Variants in SLC9A9 observed in about 807,000 individuals in gnomAD.
SLC9A9 encodes solute carrier family 9 member A9, also known as sodium/hydrogen exchanger 9.
In SLC9A9, 62 loss-of-function variants were observed where a neutral mutation model predicts 77.8. The observed-to-expected ratio is 0.80, with a 90% CI of 0.65 to 0.98. The LOEUF is 0.98. Among genes scored for constraint, SLC9A9 ranks in the 50% least tolerant of loss-of-function variants. The pLI, the probability that SLC9A9 is intolerant of heterozygous loss-of-function variation, is 0.00. For synonymous variants in SLC9A9, 320 were observed against 283.5 expected (o/e 1.13, Z -1.29); for missense variants, 775 against 774.9 (o/e 1.00, Z 0.00).
chr3:143,479,492 A>G (rs1035868621), intron 11 of SLC9A9, among the ~76,000 whole-genome samples: 22 of 152,058 alleles, frequency 1.4e-4, no homozygotes, highest in African/African-American at 4.8e-4. Context: ...GCCTCAAGCA[A>G]TCCTCCCACT....
At chr3:143,604,078 G>A (rs141667547) in intron 6 of SLC9A9, among the ~76,000 whole-genome samples, 199 of 152,264 alleles carry the variant, frequency 1.3e-3, no homozygotes, top group African/African-American at 4.4e-3. Context: ...AAAAACTGAC[G>A]TGCTTTCCTT....
intron 14 of SLC9A9, among the ~76,000 whole-genome samples, chr3:143,327,289 C>T (rs1457596379): frequency 6.6e-6 from 1 of 152,068 alleles, no homozygotes; most frequent in African/African-American, 2.4e-5. Flanking sequence ...TAAAAGTAGA[C>T]TTGTGGAGGT....
At chr3:143,609,835 G>A (rs34467389) in intron 6 of SLC9A9, among the ~76,000 whole-genome samples, 18,786 of 152,138 alleles carry the variant, frequency 0.12, 1,478 homozygotes, top group Non-Finnish European at 0.18. Flanking sequence ...TGCAGTTAAT[G>A]CATTTATTAA....
chr3:143,629,284 A>G (rs2038382119), intron 6 of SLC9A9, among the ~76,000 whole-genome samples: 1 of 152,230 alleles, frequency 6.6e-6, no homozygotes, highest in Non-Finnish European at 1.5e-5. Flanking sequence ...AGTATCTACT[A>G]GTGCAGACAA....
At chr3:143,429,542 A>G (rs2034471166) in intron 12 of SLC9A9, among the ~76,000 whole-genome samples, 1 of 152,252 alleles carries the variant, frequency 6.6e-6, no homozygotes, top group South Asian at 2.1e-4. Context: ...TTCTAACCAC[A>G]GTTCAGGCAG....
chr3:143,693,430 G>C, intron 4 of SLC9A9, 123 bp from the exon 5 acceptor site: 1 of 770,270 alleles, frequency 1.3e-6, no homozygotes, highest in South Asian at 1.5e-5. Context: ...CCACCATCCT[G>C]CCAAATGACA....
chr3:143,732,885 C>T (rs897938044), intron 4 of SLC9A9, among the ~76,000 whole-genome samples: 3 of 152,094 alleles, frequency 2.0e-5, no homozygotes, highest in East Asian at 1.9e-4. Context: ...CAAATTCAGT[C>T]GCAACATAAG....
At chr3:143,277,741 C>A (rs78178523) in intron 14 of SLC9A9, among the ~76,000 whole-genome samples, 3,264 of 152,266 alleles carry the variant, frequency 0.021, 113 homozygotes, top group African/African-American at 0.075. Context: ...AGAGGAAGTG[C>A]CACCAGACCT....
intron 4 of SLC9A9, among the ~76,000 whole-genome samples, chr3:143,743,241 G>GGATGGATGGATGGATGGATGGATA (rs1459309618): frequency 7.5e-6 from 1 of 133,578 alleles, no homozygotes; most frequent in African/African-American, 2.8e-5. Context: ...ATGGATGGAT[G>GGATGGATGGATGGATGGATGGATA]GATAGATAGA....
chr3:143,780,151 T>G (rs2007825080), intron 4 of SLC9A9, among the ~76,000 whole-genome samples: 1 of 152,246 alleles, frequency 6.6e-6, no homozygotes, highest in Admixed American at 6.5e-5. Context: ...GTAAGCAATT[T>G]ATCTACATAT....
chr3:143,375,645 G>A (rs906164049), intron 13 of SLC9A9, among the ~76,000 whole-genome samples: 5 of 152,266 alleles, frequency 3.3e-5, no homozygotes, highest in Non-Finnish European at 5.9e-5. Flanking sequence ...CCAGACACAT[G>A]AGCAAGCCTA....
At chr3:143,783,901 T>C (rs1487907239) in intron 4 of SLC9A9, among the ~76,000 whole-genome samples, 1 of 152,244 alleles carries the variant, frequency 6.6e-6, no homozygotes, top group African/African-American at 2.4e-5. Context: ...TCTCTTCAAC[T>C]GTTTTAGAAA....
chr3:143,416,562 G>A (rs760199883), intron 12 of SLC9A9, among the ~76,000 whole-genome samples: 21 of 149,254 alleles, frequency 1.4e-4, no homozygotes, highest in Non-Finnish European at 2.7e-4. Context: ...TAGCAACAAA[G>A]TTTTTTTTTT....
At chr3:143,829,908 C>A (rs537509939) in intron 2 of SLC9A9, among the ~76,000 whole-genome samples, 1 of 152,120 alleles carries the variant, frequency 6.6e-6, no homozygotes, top group Non-Finnish European at 1.5e-5. Context: ...AGGTTTTAAG[C>A]TCCTCACTTC....
chr3:143,688,382 T>C (rs916942242), intron 5 of SLC9A9, among the ~76,000 whole-genome samples: 2 of 152,128 alleles, frequency 1.3e-5, no homozygotes, highest in East Asian at 3.9e-4. Context: ...AGTCACTCAG[T>C]AGAAGGCAAC....
Position 143,848,251 on chromosome 3 carries a change from C to G in SLC9A9, c.72G>C (p.Leu24=). Residue 24 remains leucine (L), a synonymous_variant, in exon 1 of 16, where the codon CTG becomes CTC. Transcript: ENST00000316549. ...GGATGAGCAAAAAATTGAAGACAAG[C>G]AGCTCCACCGCTCCCTGATGTTGAA... The part of the protein sequence containing the change: ...YQFQHQGAVE[L]LVFNFLLILT... The G allele has an allele frequency of 6.2e-7, 1 of 1,614,004 alleles. No homozygotes were observed. The highest frequency in any genetic ancestry group is 8.5e-7 in the Non-Finnish European group (1 of 1,179,948).
intron 8 of SLC9A9, among the ~76,000 whole-genome samples, chr3:143,572,962 G>A (rs1373021679): frequency 1.3e-5 from 2 of 152,148 alleles, no homozygotes; most frequent in Non-Finnish European, 2.9e-5. Flanking sequence ...CACAGATGGA[G>A]TTTCATTTGA....
intron 9 of SLC9A9, among the ~76,000 whole-genome samples, chr3:143,501,623 T>C (rs2035924554): frequency 6.6e-6 from 1 of 151,078 alleles, no homozygotes; most frequent in Non-Finnish European, 1.5e-5. Context: ...TTAAAAACCT[T>C]TGACAATATG....
At chr3:143,406,517 A>G (rs2033984222) in intron 12 of SLC9A9, among the ~76,000 whole-genome samples, 1 of 152,032 alleles carries the variant, frequency 6.6e-6, no homozygotes, top group African/African-American at 2.4e-5. Flanking sequence ...AGCTGGGATC[A>G]CAGGTGCTTG....
Sources: gnomAD v4.1 joint callset for allele counts (sites outside exome capture counted in the v4.1 genomes callset) on GRCh38, gnomAD v4.1.1 for gene constraint, MANE v1.5 for transcripts, NCBI Gene and HGNC (gene_info 2026-07-23, HGNC 2026-07-21) for gene names.